Variants in KCNB2 observed in about 807,000 individuals in gnomAD.
KCNB2 encodes the protein delayed rectifier potassium channel protein.
KCNB2 carries 15 observed loss-of-function variants against 61.5 expected under a neutral mutation model. That is an observed-to-expected ratio of 0.24 (90% CI 0.16 to 0.38). The LOEUF is 0.38. KCNB2 is among the 10% of genes least tolerant of loss of function. KCNB2 has a pLI of 1.00. For synonymous variants in KCNB2, 457 were observed against 446.0 expected, an observed-to-expected ratio of 1.02 and a Z score of -0.31; for missense variants, 828 against 1,125.2, an observed-to-expected ratio of 0.74 and a Z score of 3.78.
chr8:72,650,353 C>T (rs1806194118), intron 2 of KCNB2, among the ~76,000 whole-genome samples: 1 of 152,078 alleles, frequency 6.6e-6, no homozygotes, highest in African/African-American at 2.4e-5. Context: ...ACTTAGTTGC[C>T]ACCTTTTTCT....
intron 2 of KCNB2, among the ~76,000 whole-genome samples, chr8:72,568,600 G>C (rs1806663730): frequency 1.3e-5 from 2 of 152,194 alleles, no homozygotes. Context: ...TATCAGGTTG[G>C]TGACTTGGAG....
chr8:72,584,578 G>T (rs1324052138), intron 2 of KCNB2, among the ~76,000 whole-genome samples: 3 of 151,982 alleles, frequency 2.0e-5, no homozygotes, highest in Non-Finnish European at 4.4e-5. Flanking sequence ...TTTAAATTTA[G>T]ACCAAGATTC....
chr8:72,915,646 A>T (rs984517321), intron 2 of KCNB2, among the ~76,000 whole-genome samples: 3 of 152,152 alleles, frequency 2.0e-5, no homozygotes, highest in Admixed American at 1.3e-4. Context: ...GCTGCCGGGC[A>T]CGGTGGCTCA....
At chr8:72,780,712 A>T (rs554112006) in intron 2 of KCNB2, among the ~76,000 whole-genome samples, 11 of 152,282 alleles carry the variant, frequency 7.2e-5, no homozygotes, top group African/African-American at 2.4e-4. Context: ...TAACAGAATG[A>T]TTTATATTCC....
intron 2 of KCNB2, among the ~76,000 whole-genome samples, chr8:72,892,689 C>G (rs1805917691): frequency 6.6e-6 from 1 of 152,138 alleles, no homozygotes; most frequent in African/African-American, 2.4e-5. Flanking sequence ...ATGAGACTCC[C>G]AAGCTTAAGC....
At chr8:72,573,570 CTG>C (rs1223652050) in intron 2 of KCNB2, among the ~76,000 whole-genome samples, 4 of 152,032 alleles carry the variant, frequency 2.6e-5, no homozygotes, top group Non-Finnish European at 4.4e-5. Context: ...TGAGGCCCCT[CTG>C]TGTGCCGTGC....
chr8:72,695,109 T>C (rs939838085), intron 2 of KCNB2, among the ~76,000 whole-genome samples: 11 of 152,118 alleles, frequency 7.2e-5, no homozygotes, highest in African/African-American at 2.7e-4. Context: ...AGAGGAATCA[T>C]TTGAGGACTA....
intron 2 of KCNB2, among the ~76,000 whole-genome samples, chr8:72,719,671 C>T (rs1807514523): frequency 6.6e-6 from 1 of 152,068 alleles, no homozygotes; most frequent in South Asian, 2.1e-4. Context: ...CCTGAAGGTT[C>T]CACACTTTCC....
intron 2 of KCNB2, among the ~76,000 whole-genome samples, chr8:72,657,971 C>T (rs1327654706): frequency 6.6e-6 from 1 of 152,156 alleles, no homozygotes; most frequent in African/African-American, 2.4e-5. Context: ...CATCTGTCTC[C>T]TTCTCCATGG....
chr8:72,905,745 G>A (rs552505180), intron 2 of KCNB2, among the ~76,000 whole-genome samples: 1 of 152,252 alleles, frequency 6.6e-6, no homozygotes, highest in Non-Finnish European at 1.5e-5. Context: ...GATGCCCAGT[G>A]TTTTCCAAAA....
Position 72,815,378 on chromosome 8 carries a change from C to G in KCNB2, c.580-120557C>G, listed in dbSNP as rs985624639. On this transcript the variant is annotated intron_variant, in intron 2 of 2. Coordinates refer to ENST00000523207, the MANE Select transcript of KCNB2 (RefSeq NM_004770.3). ...AAAGCCTATTTTATACCTTTCTATT[C>G]ATTCTTAAGTATAAATTTTTAAATA... Among the ~76,000 whole-genome samples, 3 of 152,076 alleles carry G rather than the reference C, an allele frequency of 2.0e-5. No individual in the cohort carries two copies. The South Asian group carries it at 6.2e-4, about 32-fold the overall frequency.
In KCNB2 at chr8:72,937,649, A is replaced by G; in HGVS notation, c.2294A>G (p.Asp765Gly). The change falls in exon 3 of 3, where the codon GAC becomes GGC. Residue 765 changes from aspartate (D) to glycine (G), a missense_variant. Physicochemically the swap from Asp to Gly is moderately conservative, Grantham distance 94. This residue lies in a region of KCNB2 where 559 missense variants were observed against 588.4 expected (regional missense o/e 0.95). Coordinates refer to ENST00000523207, the MANE Select transcript of KCNB2 (RefSeq NM_004770.3). ...ILLEETPSQG[D>G]RPLLGTEVSA... ...TTAGAAGAAACCCCCTCCCAGGGAG[A>G]CAGACCCTTGCTGGGCACTGAGGTT... 1 of 1,614,076 alleles carries G rather than the reference A, an allele frequency of 6.2e-7. No homozygotes were observed. Among genetic ancestry groups the G allele is most frequent in the South Asian group, 1.1e-5 (1 of 91,074 alleles).
intron 2 of KCNB2, among the ~76,000 whole-genome samples, chr8:72,601,748 T>C (rs766755119): frequency 2.0e-5 from 3 of 152,202 alleles, no homozygotes; most frequent in Non-Finnish European, 4.4e-5. Context: ...AAATAGGTAC[T>C]AATGTGGTTT....
intron 2 of KCNB2, among the ~76,000 whole-genome samples, chr8:72,804,303 C>T (rs1160560417): frequency 6.6e-6 from 1 of 152,026 alleles, no homozygotes; most frequent in Non-Finnish European, 1.5e-5. Flanking sequence ...TTTTTAACCT[C>T]CGTGTTACTA....
At chr8:72,764,061 A>G (rs577811387) in intron 2 of KCNB2, among the ~76,000 whole-genome samples, 1 of 152,288 alleles carries the variant, frequency 6.6e-6, no homozygotes. Context: ...AACCAGGGCC[A>G]GTAACCAACA....
intron 2 of KCNB2, among the ~76,000 whole-genome samples, chr8:72,667,881 G>A (rs2246785): frequency 0.25 from 38,313 of 152,082 alleles, 8,226 homozygotes; most frequent in African/African-American, 0.59. Flanking sequence ...GAACCTTCAC[G>A]TCAGAGATTC....
chr8:72,929,851 C>T (rs1049331629), intron 2 of KCNB2, among the ~76,000 whole-genome samples: 4 of 151,864 alleles, frequency 2.6e-5, no homozygotes, highest in Non-Finnish European at 5.9e-5. Flanking sequence ...GCACAAAGTG[C>T]AGCTTTGTTA....
intron 2 of KCNB2, among the ~76,000 whole-genome samples, chr8:72,684,124 G>A (rs1303931899): frequency 1.3e-5 from 2 of 152,166 alleles, no homozygotes; most frequent in Non-Finnish European, 2.9e-5. Context: ...AGAAAGGGAT[G>A]GGTTCTAGAG....
At chr8:72,761,890 G>T (rs1465010670) in intron 2 of KCNB2, among the ~76,000 whole-genome samples, 1 of 152,160 alleles carries the variant, frequency 6.6e-6, no homozygotes, top group Non-Finnish European at 1.5e-5. Flanking sequence ...CCTTCATAAG[G>T]CACAGATAAC....
Sources: allele counts gnomAD v4.1 joint callset (sites outside exome capture counted in the v4.1 genomes callset), GRCh38; gene constraint gnomAD v4.1.1; regional missense constraint gnomAD v4.1.1; transcripts MANE v1.5; gene names NCBI Gene and HGNC (gene_info 2026-07-23, HGNC 2026-07-21).